MROH1: variants seen among roughly 807,000 people sequenced by gnomAD.
MROH1 encodes maestro heat like repeat family member 1.
MROH1 carries 117 observed loss-of-function variants against 116.5 expected under a neutral mutation model. That is an observed-to-expected ratio of 1.00 (90% CI 0.86 to 1.17). MROH1 has a LOEUF of 1.17. Among genes scored for constraint, MROH1 ranks in the 50% most tolerant of loss-of-function variants. The pLI is 0.00. For synonymous variants in MROH1, 921 were observed against 583.9 expected (o/e 1.58, Z -8.32); for missense variants, 1,873 against 1,338.5 (o/e 1.40, Z -6.23).
intron 35 of MROH1, 64 bp downstream of exon 35, chr8:144,255,769 C>A: frequency 1.4e-6 from 1 of 700,672 alleles, no homozygotes; most frequent in Non-Finnish European, 2.7e-6. Context: ...CGTGTGCACG[C>A]GCGTGGTGGG....
chr8:144,185,188 C>G (rs112973590), intron 7 of MROH1, among the ~76,000 whole-genome samples: 2,054 of 152,208 alleles, frequency 0.013, 37 homozygotes, highest in African/African-American at 0.045. Context: ...CTGGAATCCT[C>G]GTGCTGTGCC....
In MROH1 at chr8:144,261,741, G is replaced by A. The variant is rs1845124458; in HGVS notation, c.*1G>A. 1 of 710,998 alleles carries A rather than the reference G, an allele frequency of 1.4e-6. No individual in the cohort carries two copies. Among genetic ancestry groups the A allele is most frequent in the Non-Finnish European group, 2.6e-6 (1 of 390,370 alleles). The allele number at this position is 710,998 out of a possible 1,614,324, so 44.0% of individuals were successfully genotyped here. ...GGGCCGCCTGGTGAAGCTCGCCTAA[G>A]GCTCCGGCCAGCACCCCCAGCGAGG... On this transcript the variant is annotated 3_prime_UTR_variant, in exon 44 of 44. Coordinates refer to ENST00000326134, the MANE Select transcript of MROH1 (RefSeq NM_032450.3).
chr8:144,211,379 G>A (rs1276672771), intron 12 of MROH1, among the ~76,000 whole-genome samples: 1 of 152,156 alleles, frequency 6.6e-6, no homozygotes, highest in Non-Finnish European at 1.5e-5. Context: ...CCTTGACAAA[G>A]AGATACTTGC....
At chr8:144,193,548 A>C (rs1273518501) in intron 10 of MROH1, among the ~76,000 whole-genome samples, 1 of 152,184 alleles carries the variant, frequency 6.6e-6, no homozygotes, top group Non-Finnish European at 1.5e-5. Flanking sequence ...GTTTTGCATA[A>C]AGTAGCAGGT....
chr8:144,178,395 G>A (rs1051909153), intron 4 of MROH1, among the ~76,000 whole-genome samples: 2 of 151,144 alleles, frequency 1.3e-5, no homozygotes, highest in African/African-American at 2.4e-5. Flanking sequence ...GCCTCCCTAA[G>A]TGTTGAGATT....
At chr8:144,250,169 TC>T (rs1842621153) in intron 32 of MROH1, 42 bp from the exon 33 acceptor site, 8 of 752,296 alleles carry the variant, frequency 1.1e-5, no homozygotes, top group African/African-American at 1.7e-5. Flanking sequence ...CCCACAGCTG[TC>T]CCCCACGCGT....
At chr8:144,211,326 A>G (rs1834046931) in intron 12 of MROH1, among the ~76,000 whole-genome samples, 2 of 152,106 alleles carry the variant, frequency 1.3e-5, no homozygotes, top group African/African-American at 4.8e-5. Flanking sequence ...TGGTGGGAGG[A>G]TGATACTATA....
Position 144,261,227 on chromosome 8 carries a change from C to A in MROH1, c.4774+11C>A, listed in dbSNP as rs1444376997. 1 of 763,268 alleles carries A rather than the reference C, an allele frequency of 1.3e-6. No individual in the cohort carries two copies. The highest frequency in any genetic ancestry group is 1.3e-5 in the South Asian group (1 of 74,524). The allele number at this position is 763,268 out of a possible 1,614,324, so 47.3% of individuals were successfully genotyped here. A position where few individuals can be genotyped will look rare whatever the true frequency, so the allele number is the denominator to read the frequency against. ...CACCCCTGTTCACCGGTAAGCACCA[C>A]CCCCTGCCCCACCCCCACGCCGCCC... On this transcript the variant is annotated intron_variant, in intron 42 of 43. Coordinates refer to ENST00000326134, the MANE Select transcript of MROH1 (RefSeq NM_032450.3).
chr8:144,222,109 C>T (rs1192802532), intron 13 of MROH1, among the ~76,000 whole-genome samples: 1 of 152,164 alleles, frequency 6.6e-6, no homozygotes, highest in African/African-American at 2.4e-5. Context: ...ATGGGGATCA[C>T]ACGAGAGAAG....
intron 24 of MROH1, among the ~76,000 whole-genome samples, chr8:144,243,203 C>T (rs1841318158): frequency 6.6e-6 from 1 of 152,242 alleles, no homozygotes; most frequent in Non-Finnish European, 1.5e-5. Flanking sequence ...GTTCTTCTCC[C>T]AGCCCTTCAG....
chr8:144,260,101 G>T, intron 38 of MROH1, 44 bp downstream of exon 38: 1 of 740,914 alleles, frequency 1.3e-6, no homozygotes, highest in East Asian at 2.5e-5. Context: ...CAGCATGGGT[G>T]GGGGGCTGTG....
chr8:144,239,979 G>T (rs1840689963), intron 18 of MROH1, 122 bp from the exon 19 acceptor site: 2 of 711,250 alleles, frequency 2.8e-6, no homozygotes, highest in Non-Finnish European at 2.6e-6. Context: ...GGGAGCAGGT[G>T]GGGGGCAGCG....
intron 12 of MROH1, among the ~76,000 whole-genome samples, chr8:144,218,742 TCC>T (rs1413484617): frequency 2.6e-5 from 1 of 38,948 alleles, no homozygotes; most frequent in Non-Finnish European, 4.8e-5. Context: ...TTCCCTCCCC[TCC>T]CCTCTCGCTT....
intron 1 of MROH1, among the ~76,000 whole-genome samples, chr8:144,159,287 G>A (rs1302881468): frequency 2.6e-5 from 4 of 152,184 alleles, no homozygotes; most frequent in Admixed American, 2.6e-4. Flanking sequence ...AAACCCGGAA[G>A]GCGGAGGTTG....
chr8:144,167,367 ATGTGGGGTGGAGTGGCCGGT>A (rs1564376910), intron 3 of MROH1, among the ~76,000 whole-genome samples: 30 of 36,354 alleles, frequency 8.3e-4, no homozygotes, highest in African/African-American at 3.3e-3. Flanking sequence ...GAGTGGCCAG[ATGTGGGGTGGAGTGGCCGGT>A]TGTGGGGTGG....
At position 144,247,417 on chromosome 8, in the gene MROH1, C is replaced by T; in HGVS notation, c.2988C>T (p.Tyr996=). 7.8e-6 allele frequency: 6 copies of T among 771,160 alleles called. No individual in the cohort carries two copies. Among genetic ancestry groups the T allele is most frequent in the South Asian group, 5.5e-5 (4 of 72,508 alleles). The allele number at this position is 771,160 out of a possible 1,614,324, so 47.8% of individuals were successfully genotyped here. A position where few individuals can be genotyped will look rare whatever the true frequency, so the allele number is the denominator to read the frequency against. ...TGGACTGTGTCTACTCCCTGCTGTA[C>T]CTCCAGCTCGGCTATGAGGGTGAGC... is the stretch of plus-strand genomic sequence containing the variant. ...EAVDCVYSLL[Y]LQLGYEGFSR... is the part of the protein sequence containing the mutation. Residue 996 remains tyrosine, a synonymous_variant, in exon 30 of 44, where the codon TAC becomes TAT. Transcript: ENST00000326134.
At chr8:144,168,895 C>T (rs569664234) in intron 4 of MROH1, among the ~76,000 whole-genome samples, 20 of 152,338 alleles carry the variant, frequency 1.3e-4, no homozygotes, top group Admixed American at 7.2e-4. Context: ...AGGGGCTGCC[C>T]AGGAGGGGCC....
intron 8 of MROH1, among the ~76,000 whole-genome samples, chr8:144,191,158 C>T (rs1369016380): frequency 2.0e-5 from 3 of 152,206 alleles, no homozygotes; most frequent in Non-Finnish European, 4.4e-5. Flanking sequence ...CAGCCTCCGC[C>T]TCTCTGCTTC....
chr8:144,151,979 C>T (rs1201442532), intron 1 of MROH1, among the ~76,000 whole-genome samples: 2 of 152,246 alleles, frequency 1.3e-5, no homozygotes, highest in Admixed American at 1.3e-4. Context: ...GGCGATCTCT[C>T]TCTCTTCTGA....
Sources: allele counts gnomAD v4.1 joint callset (sites outside exome capture counted in the v4.1 genomes callset), GRCh38; gene constraint gnomAD v4.1.1; transcripts MANE v1.5; gene names NCBI Gene and HGNC (gene_info 2026-07-23, HGNC 2026-07-21).